Variants in LHFPL3 observed in about 807,000 individuals in gnomAD.
The protein encoded by LHFPL3 is LHFPL tetraspan subfamily member 3 protein.
LHFPL3 carries 5 observed loss-of-function variants against 19.3 expected under a neutral mutation model. That is an observed-to-expected ratio of 0.26 (90% CI 0.14 to 0.54). The LOEUF (loss-of-function observed/expected upper bound fraction) is 0.54. LHFPL3 is among the 20% of genes least tolerant of loss of function. The pLI is 0.94. For synonymous variants in LHFPL3, 133 were observed against 126.2 expected (o/e 1.05, Z -0.36); for missense variants, 249 against 307.4 (o/e 0.81, Z 1.42).
At chr7:104,637,037 G>A (rs758551396) in intron 1 of LHFPL3, among the ~76,000 whole-genome samples, 13 of 152,016 alleles carry the variant, frequency 8.6e-5, no homozygotes, top group South Asian at 4.1e-4. Flanking sequence ...TCACAACCTC[G>A]CTAGCATCTG....
intron 1 of LHFPL3, among the ~76,000 whole-genome samples, chr7:104,591,455 T>C (rs933709358): frequency 6.6e-6 from 1 of 152,254 alleles, no homozygotes; most frequent in Non-Finnish European, 1.5e-5. Context: ...AACTTTCTTC[T>C]GGCTTGTAGC....
intron 1 of LHFPL3, among the ~76,000 whole-genome samples, chr7:104,374,479 A>G (rs1439948922): frequency 6.6e-6 from 1 of 152,098 alleles, no homozygotes; most frequent in Non-Finnish European, 1.5e-5. Context: ...TGACCTTATG[A>G]TCTGCCCTCT....
intron 1 of LHFPL3, among the ~76,000 whole-genome samples, chr7:104,451,002 C>T (rs1792426729): frequency 4.6e-5 from 7 of 152,144 alleles, no homozygotes; most frequent in Admixed American, 4.6e-4. Context: ...TTCTTCCCTT[C>T]ACCCTTTCAT....
At chr7:104,581,691 T>G (rs1790464118) in intron 1 of LHFPL3, among the ~76,000 whole-genome samples, 1 of 152,078 alleles carries the variant, frequency 6.6e-6, no homozygotes, top group Non-Finnish European at 1.5e-5. Flanking sequence ...TGAAGTTTAC[T>G]TTTTCCATAT....
At chr7:104,672,997 C>T (rs1792515538) in intron 1 of LHFPL3, among the ~76,000 whole-genome samples, 1 of 152,020 alleles carries the variant, frequency 6.6e-6, no homozygotes, top group Non-Finnish European at 1.5e-5. Context: ...TGAAATAATG[C>T]CCCCCCTTTT....
intron 1 of LHFPL3, among the ~76,000 whole-genome samples, chr7:104,645,728 T>C (rs576082106): frequency 2.0e-5 from 3 of 146,928 alleles, no homozygotes; most frequent in East Asian, 4.0e-4. Context: ...TGGCGTGATC[T>C]TGGCTCACTG....
chr7:104,508,612 A>G (rs1029155533), intron 1 of LHFPL3, among the ~76,000 whole-genome samples: 139 of 117,462 alleles, frequency 1.2e-3, no homozygotes, highest in African/African-American at 3.9e-3. Flanking sequence ...AGTATAATAA[A>G]AAAAAATATA....
intron 1 of LHFPL3, among the ~76,000 whole-genome samples, chr7:104,389,372 G>A (rs542137870): frequency 6.6e-6 from 1 of 152,182 alleles, no homozygotes; most frequent in East Asian, 1.9e-4. Flanking sequence ...TAAATTAAAA[G>A]ACTAAATAAT....
chr7:104,517,770 A>G (rs919608656), intron 1 of LHFPL3, among the ~76,000 whole-genome samples: 19 of 152,162 alleles, frequency 1.2e-4, no homozygotes, highest in Non-Finnish European at 2.6e-4. Flanking sequence ...GGCCTCCCAA[A>G]GTGCTGGGAT....
At chr7:104,723,022 GC>G (rs1793517077) in intron 1 of LHFPL3, among the ~76,000 whole-genome samples, 1 of 152,120 alleles carries the variant, frequency 6.6e-6, no homozygotes, top group South Asian at 2.1e-4. Flanking sequence ...CAAGTCATAG[GC>G]CCCCTATTGC....
chr7:104,861,034 C>CT (rs1051302764), intron 2 of LHFPL3, among the ~76,000 whole-genome samples: 1 of 152,086 alleles, frequency 6.6e-6, no homozygotes, highest in African/African-American at 2.4e-5. Context: ...CTATTTATAG[C>CT]TTTTTTAAAA....
intron 1 of LHFPL3, among the ~76,000 whole-genome samples, chr7:104,731,240 GT>G (rs1793698740): frequency 6.6e-6 from 1 of 150,660 alleles, no homozygotes; most frequent in Non-Finnish European, 1.5e-5. Flanking sequence ...TCTTAAAGTA[GT>G]TTTTTCCAAT....
chr7:104,801,641 G>A (rs2116476967), intron 2 of LHFPL3, among the ~76,000 whole-genome samples: 1 of 152,240 alleles, frequency 6.6e-6, no homozygotes, highest in East Asian at 1.9e-4. Context: ...CGCGATCTCT[G>A]CTCACTGCAA....
At chr7:104,667,900 T>C in intron 1 of LHFPL3, 1 of 1,612,664 alleles carries the variant, frequency 6.2e-7, no homozygotes, top group Non-Finnish European at 8.5e-7. Context: ...GAAGGAGATG[T>C]TTCTACAACT....
chr7:104,579,959 C>A lies in LHFPL3; in HGVS notation c.446-156716C>A, dbSNP rs182293653. 4.2e-4 allele frequency among the ~76,000 whole-genome samples: 64 copies of A among 152,294 alleles called. 3 individuals are homozygous for A. Among genetic ancestry groups the A allele is most frequent in the Admixed American group, 4.6e-4 (7 of 15,286 alleles). The stretch of plus-strand genomic sequence containing the variant: ...CCTTGCTGGTTGATTGCAAGACTTA[C>A]AAACTCAAAATTTAGCTCTTTGTAA... On this transcript the variant is annotated intron_variant, in intron 1 of 2. Coordinates refer to ENST00000424859, the MANE Select transcript of LHFPL3 (RefSeq NM_199000.3).
At chr7:104,581,854 T>TAG (rs1372798866) in intron 1 of LHFPL3, among the ~76,000 whole-genome samples, 1 of 152,016 alleles carries the variant, frequency 6.6e-6, no homozygotes, top group Non-Finnish European at 1.5e-5. Flanking sequence ...TGTCTATTCT[T>TAG]ACGCCATTAC....
chr7:104,337,947 GT>G (rs1789861131), intron 1 of LHFPL3, among the ~76,000 whole-genome samples: 1 of 152,074 alleles, frequency 6.6e-6, no homozygotes, highest in Admixed American at 6.5e-5. Context: ...CTACTGTAGT[GT>G]TTTAAAAACC....
At chr7:104,648,502 T>C (rs1385876370) in intron 1 of LHFPL3, among the ~76,000 whole-genome samples, 1 of 152,208 alleles carries the variant, frequency 6.6e-6, no homozygotes, top group Non-Finnish European at 1.5e-5. Flanking sequence ...TGTGGTATTA[T>C]TTCCATTTGA....
At chr7:104,667,445 A>G (rs922846026) in intron 1 of LHFPL3, among the ~76,000 whole-genome samples, 3 of 152,196 alleles carry the variant, frequency 2.0e-5, no homozygotes, top group Non-Finnish European at 2.9e-5. Context: ...TTCAAGGCTC[A>G]CATCCCAGCG....
Sources: gnomAD v4.1 joint callset for allele counts (sites outside exome capture counted in the v4.1 genomes callset) on GRCh38, gnomAD v4.1.1 for gene constraint, MANE v1.5 for transcripts, NCBI Gene and HGNC (gene_info 2026-07-23, HGNC 2026-07-21) for gene names.